ADAMTS17: variants seen among roughly 807,000 people sequenced by gnomAD.
ADAMTS17 encodes ADAM metallopeptidase with thrombospondin type 1 motif 17.
In ADAMTS17, 113 loss-of-function variants were observed where a neutral mutation model predicts 141.5. The observed-to-expected ratio is 0.80, with a 90% CI of 0.69 to 0.93. The LOEUF (loss-of-function observed/expected upper bound fraction) is 0.93. Ranked by LOEUF, ADAMTS17 falls within the 40% of genes least tolerant of loss-of-function variation. The probability of loss-of-function intolerance (pLI) is 0.00; values close to 1 mark genes in which losing one functional copy is unlikely to be tolerated. For missense variants in ADAMTS17, 1,659 were observed against 1,517.9 expected (o/e 1.09, Z -1.54); for synonymous variants, 768 against 630.6 (o/e 1.22, Z -3.27).
chr15:100,251,681 T>G (rs1285127950), intron 7 of ADAMTS17, among the ~76,000 whole-genome samples: 1 of 152,226 alleles, frequency 6.6e-6, no homozygotes, highest in Non-Finnish European at 1.5e-5. Context: ...GAGGTTGCAG[T>G]GAGCCCAGAT....
chr15:99,985,804 G>A (rs774503865), intron 20 of ADAMTS17, among the ~76,000 whole-genome samples: 2 of 152,176 alleles, frequency 1.3e-5, no homozygotes, highest in South Asian at 2.1e-4. Flanking sequence ...CTGAGGGAAC[G>A]TGCTTTGTAA....
chr15:100,171,373 G>A (rs751540538), intron 8 of ADAMTS17, among the ~76,000 whole-genome samples: 22 of 152,154 alleles, frequency 1.4e-4, no homozygotes, highest in African/African-American at 5.3e-4. Flanking sequence ...AGGAGGCTGG[G>A]GTGGGAGCAG....
At chr15:100,225,498 T>C (rs1179839068) in intron 7 of ADAMTS17, among the ~76,000 whole-genome samples, 2 of 150,840 alleles carry the variant, frequency 1.3e-5, no homozygotes, top group East Asian at 3.9e-4. Context: ...CTCTGTGCCA[T>C]TCAGTCCTTA....
chr15:100,139,556 G>T (rs1161434788), intron 10 of ADAMTS17, among the ~76,000 whole-genome samples: 1 of 152,218 alleles, frequency 6.6e-6, no homozygotes, highest in East Asian at 1.9e-4. Context: ...TTGGGAAACG[G>T]CTACAGAAAA....
At chr15:100,043,495 C>T (rs531184853) in intron 18 of ADAMTS17, among the ~76,000 whole-genome samples, 2 of 152,306 alleles carry the variant, frequency 1.3e-5, no homozygotes, top group South Asian at 4.2e-4. Flanking sequence ...AGAGCTCTGG[C>T]TCATGCTGAG....
intron 7 of ADAMTS17, among the ~76,000 whole-genome samples, chr15:100,211,305 A>C (rs1241152122): frequency 3.3e-5 from 5 of 149,350 alleles, no homozygotes; most frequent in Non-Finnish European, 7.5e-5. Context: ...TCTCAAAAAA[A>C]AAAAAAAAAA....
chr15:100,202,564 T>C (rs2041376256), intron 7 of ADAMTS17, among the ~76,000 whole-genome samples: 2 of 152,124 alleles, frequency 1.3e-5, no homozygotes, highest in Non-Finnish European at 1.5e-5. Context: ...TGTTGTAAAA[T>C]AAGAGCTGTG....
chr15:100,098,886 C>G (rs549007916), intron 14 of ADAMTS17, among the ~76,000 whole-genome samples: 1 of 152,200 alleles, frequency 6.6e-6, no homozygotes, highest in Non-Finnish European at 1.5e-5. Context: ...TTTCCTGGCA[C>G]CTGTTCCAGC....
chr15:99,981,724 T>A (rs2727207), intron 20 of ADAMTS17, among the ~76,000 whole-genome samples: 9,637 of 152,292 alleles, frequency 0.063, 910 homozygotes, highest in African/African-American at 0.2. Flanking sequence ...TACCATGTCA[T>A]CATATGGTTT....
At chr15:100,155,789 T>G (rs531299164) in intron 8 of ADAMTS17, among the ~76,000 whole-genome samples, 1 of 152,338 alleles carries the variant, frequency 6.6e-6, no homozygotes, top group South Asian at 2.1e-4. Context: ...TCCAACTCAT[T>G]ACAGAGTATG....
chr15:100,183,934 C>A (rs1596213719), intron 8 of ADAMTS17, among the ~76,000 whole-genome samples: 1 of 152,186 alleles, frequency 6.6e-6, no homozygotes, highest in East Asian at 1.9e-4. Flanking sequence ...GGGTGAAAGG[C>A]ACTTCCCTGT....
At position 99,993,102 on chromosome 15, in the gene ADAMTS17, C is replaced by G; in HGVS notation, c.2895G>C (p.Glu965Asp). Reference protein sequence around the residue: ...CDASTRPRAEEACEDYSGCYE... With the variant: ...CDASTRPRAEDACEDYSGCYE... Reference sequence around the variant, plus strand: ...AGCAGCCTGAGTAGTCCTCGCAGGCCTCCTCGGCTCTCGGCCTCGTGGATG... The same window carrying G: ...AGCAGCCTGAGTAGTCCTCGCAGGCGTCCTCGGCTCTCGGCCTCGTGGATG... Residue 965 changes from glutamate to aspartate, a missense_variant, in exon 20 of 22, where the codon GAG becomes GAC. Glu to Asp is a conservative substitution (Grantham distance 45). Coordinates refer to ENST00000268070, the MANE Select transcript of ADAMTS17 (RefSeq NM_139057.4). The surrounding 1 kb of genome is among the most constrained non-coding windows in gnomAD (Gnocchi z 4.3). 2 of 1,614,156 alleles carry G rather than the reference C, an allele frequency of 1.2e-6. No homozygotes were observed. Among genetic ancestry groups the G allele is most frequent in the Non-Finnish European group, 1.7e-6 (2 of 1,180,044 alleles).
chr15:100,302,584 C>A (rs1417701132), intron 3 of ADAMTS17, among the ~76,000 whole-genome samples: 1 of 152,182 alleles, frequency 6.6e-6, no homozygotes, highest in Non-Finnish European at 1.5e-5. Context: ...CTATAACCAT[C>A]CAAGCAGGAG....
chr15:99,986,255 G>T (rs370015552), intron 20 of ADAMTS17, among the ~76,000 whole-genome samples: 1 of 152,196 alleles, frequency 6.6e-6, no homozygotes, highest in African/African-American at 2.4e-5. Flanking sequence ...GTGATACAAG[G>T]TTCGTTCATT....
rs71151937 is a variant in ADAMTS17, at chr15:100,110,236, A to AAT, written c.1889-1122_1889-1121dup. On this transcript the variant is annotated intron_variant, in intron 13 of 21. Coordinates refer to ENST00000268070, the MANE Select transcript of ADAMTS17 (RefSeq NM_139057.4). ...ATATATATTTTTATATATTTATATAAATATATATATATATAAATACATATA... is the reference window on the plus strand; with the variant it reads ...ATATATATTTTTATATATTTATATAAATATATATATATATATAAATACATATA... Among the ~76,000 whole-genome samples the AAT allele has an allele frequency of 5.7e-3, 798 of 139,578 alleles. 22 individuals are homozygous for AAT. In the East Asian group the frequency reaches 0.083, roughly 15 times the overall value. The allele number at this position is 139,578 out of a possible 152,430, so 91.6% of individuals were successfully genotyped here.
At chr15:100,159,453 A>G (rs1305608686) in intron 8 of ADAMTS17, among the ~76,000 whole-genome samples, 3 of 152,236 alleles carry the variant, frequency 2.0e-5, no homozygotes, top group Admixed American at 6.5e-5. Flanking sequence ...AGCAAAGGAC[A>G]TTAAAAGTCA....
intron 12 of ADAMTS17, among the ~76,000 whole-genome samples, chr15:100,124,231 G>A (rs570197214): frequency 2.6e-5 from 4 of 152,268 alleles, no homozygotes; most frequent in Admixed American, 6.5e-5. Context: ...CTCCCAAAGC[G>A]CTGGGATTAT....
intron 12 of ADAMTS17, among the ~76,000 whole-genome samples, chr15:100,130,485 C>T (rs555770364): frequency 6.6e-6 from 1 of 152,206 alleles, no homozygotes; most frequent in East Asian, 1.9e-4. Flanking sequence ...ATTCTTATAG[C>T]ATTGCTGGGA....
chr15:100,280,678 A>C (rs1278045596), intron 4 of ADAMTS17, among the ~76,000 whole-genome samples: 1 of 152,140 alleles, frequency 6.6e-6, no homozygotes, highest in Non-Finnish European at 1.5e-5. Context: ...ATGGGTGGGT[A>C]AAGCTAGGAT....
Sources: gnomAD v4.1 joint callset for allele counts (sites outside exome capture counted in the v4.1 genomes callset) on GRCh38, gnomAD v4.1.1 for gene constraint, Gnocchi (gnomAD v3.1) non-coding constraint, MANE v1.5 for transcripts, NCBI Gene and HGNC (gene_info 2026-07-23, HGNC 2026-07-21) for gene names.